Variants in PARN observed in about 807,000 individuals in gnomAD.
PARN encodes the protein poly(A)-specific ribonuclease PARN.
PARN carries 71 observed loss-of-function variants against 102.8 expected under a neutral mutation model. The observed-to-expected ratio is 0.69, with a 90% CI of 0.57 to 0.84. PARN has a LOEUF of 0.84. PARN is among the 40% of genes least tolerant of loss of function. The pLI, the probability that PARN is intolerant of heterozygous loss-of-function variation, is 0.00. For synonymous variants in PARN, 261 were observed against 252.9 expected, an observed-to-expected ratio of 1.03 and a Z score of -0.30; for missense variants, 782 against 760.9, an observed-to-expected ratio of 1.03 and a Z score of -0.33.
chr16:14,532,015 A>T (rs1966364007), intron 21 of PARN, among the ~76,000 whole-genome samples: 1 of 151,924 alleles, frequency 6.6e-6, no homozygotes, highest in Non-Finnish European at 1.5e-5. Flanking sequence ...GTGAGCTATG[A>T]TCGCACTGCT....
intron 22 of PARN, among the ~76,000 whole-genome samples, chr16:14,466,163 G>A (rs1331626246): frequency 6.6e-6 from 1 of 152,096 alleles, no homozygotes; most frequent in Non-Finnish European, 1.5e-5. Context: ...TAAAAAAAAT[G>A]AAGAAGTAGC....
rs565139061 is a variant in PARN at position 14,495,121 on chromosome 16, T to C, written c.1481-12294A>G. On this transcript the variant is annotated intron_variant, in intron 21 of 23. Transcript: ENST00000437198. ...CTCGTATGGATGGGGAGGGCAGTCA[T>C]GAAAGCCTGGGAAGCTGTGGCCTGA... 1.2e-4 allele frequency among the ~76,000 whole-genome samples: 18 copies of C among 152,046 alleles called. No homozygotes were observed. In the East Asian group the frequency reaches 2.9e-3, roughly 25 times the overall value.
intron 22 of PARN, among the ~76,000 whole-genome samples, chr16:14,477,157 A>G (rs1358183502): frequency 6.6e-6 from 1 of 152,166 alleles, no homozygotes; most frequent in Non-Finnish European, 1.5e-5. Context: ...ATAAGAAAAT[A>G]GGCAAGGTGT....
chr16:14,462,075 G>C (rs937315613), intron 22 of PARN, among the ~76,000 whole-genome samples: 1 of 152,152 alleles, frequency 6.6e-6, no homozygotes, highest in Admixed American at 6.5e-5. Flanking sequence ...TTGGGGGACT[G>C]GTGTTATTTA....
At chr16:14,518,605 T>C (rs1965582043) in intron 21 of PARN, among the ~76,000 whole-genome samples, 1 of 151,918 alleles carries the variant, frequency 6.6e-6, no homozygotes, top group African/African-American at 2.4e-5. Flanking sequence ...CAGAAGAATA[T>C]AAATATGTAT....
chr16:14,487,305 C>T (rs1466133014), intron 21 of PARN, among the ~76,000 whole-genome samples: 2 of 152,236 alleles, frequency 1.3e-5, no homozygotes, highest in African/African-American at 2.4e-5. Context: ...AATGTTAATA[C>T]TGCCACATGC....
intron 18 of PARN, among the ~76,000 whole-genome samples, chr16:14,575,171 G>T (rs1303619063): frequency 1.3e-5 from 2 of 152,218 alleles, no homozygotes; most frequent in Non-Finnish European, 2.9e-5. Flanking sequence ...GAAGGGAAAT[G>T]TGGGGTCAGA....
At chr16:14,581,327 C>T (rs138975696) in intron 17 of PARN, among the ~76,000 whole-genome samples, 1 of 152,112 alleles carries the variant, frequency 6.6e-6, no homozygotes. Context: ...GCTGGGATTA[C>T]AGGAGTAAGC....
At chr16:14,481,116 C>T (rs575558404) in intron 22 of PARN, among the ~76,000 whole-genome samples, 7 of 152,190 alleles carry the variant, frequency 4.6e-5, no homozygotes, top group Non-Finnish European at 7.4e-5. Context: ...AAGTTTAACA[C>T]AAACTTATCC....
chr16:14,532,296 T>C (rs1237643509), intron 21 of PARN, among the ~76,000 whole-genome samples: 1 of 151,462 alleles, frequency 6.6e-6, no homozygotes, highest in African/African-American at 2.4e-5. Flanking sequence ...CGAAGTTCTC[T>C]GGTTTTCCTA....
chr16:14,536,260 G>C (rs75064363), intron 21 of PARN, among the ~76,000 whole-genome samples: 6,440 of 152,210 alleles, frequency 0.042, 146 homozygotes, highest in African/African-American at 0.051. Flanking sequence ...TTAAAACTGT[G>C]AGGTTGTAGG....
At chr16:14,541,098 C>T (rs1966828010) in intron 21 of PARN, among the ~76,000 whole-genome samples, 1 of 151,262 alleles carries the variant, frequency 6.6e-6, no homozygotes, top group African/African-American at 2.4e-5. Context: ...TGAGACCAGC[C>T]TGGACATCAT....
rs202084970 is a variant in PARN, at chr16:14,599,966, T to C, written c.784-6A>G. ...ACAGCATCATTCAGCTCCTCCTAAT[T>C]AAAAAAATATATACATATGTATTAT... On this transcript the variant is annotated splice_polypyrimidine_tract_variant and splice_region_variant and intron_variant, in intron 11 of 23. Transcript: ENST00000437198. 2 of 1,507,848 alleles carry C rather than the reference T, an allele frequency of 1.3e-6. No homozygotes were observed. The highest frequency in any genetic ancestry group is 4.6e-5 in the East Asian group (2 of 43,946). The allele number at this position is 1,507,848 out of a possible 1,614,324, so 93.4% of individuals were successfully genotyped here.
At chr16:14,599,011 C>T (rs989546005) in intron 12 of PARN, among the ~76,000 whole-genome samples, 3 of 147,350 alleles carry the variant, frequency 2.0e-5, no homozygotes, top group Non-Finnish European at 3.0e-5. Context: ...ATGTAAAATG[C>T]GGATGCCTGT....
intron 22 of PARN, among the ~76,000 whole-genome samples, chr16:14,449,406 G>T (rs926311681): frequency 1.6e-4 from 25 of 152,130 alleles, no homozygotes; most frequent in Non-Finnish European, 2.5e-4. Context: ...AACTTTACAG[G>T]TACTAAAACA....
At chr16:14,458,346 T>G (rs2151569791) in intron 22 of PARN, among the ~76,000 whole-genome samples, 1 of 152,236 alleles carries the variant, frequency 6.6e-6, no homozygotes, top group Non-Finnish European at 1.5e-5. Flanking sequence ...AGTAACATAA[T>G]CAAGGCTATA....
intron 13 of PARN, among the ~76,000 whole-genome samples, chr16:14,586,606 AG>A (rs1969872567): frequency 6.6e-6 from 1 of 152,200 alleles, no homozygotes. Flanking sequence ...AACAAATTTA[AG>A]GATTTAATAG....
intron 22 of PARN, among the ~76,000 whole-genome samples, chr16:14,457,917 G>T (rs540586532): frequency 7.2e-4 from 100 of 138,310 alleles, no homozygotes; most frequent in Non-Finnish European, 1.1e-3. Flanking sequence ...TGTGTGTGTG[G>T]GGGTGTGTGT....
intron 16 of PARN, among the ~76,000 whole-genome samples, chr16:14,582,571 A>G (rs547151032): frequency 2.0e-5 from 3 of 152,034 alleles, no homozygotes; most frequent in East Asian, 3.9e-4. Flanking sequence ...ATTTATGATC[A>G]TCCATAACTC....
Sources: gnomAD v4.1 joint callset for allele counts (sites outside exome capture counted in the v4.1 genomes callset) on GRCh38, gnomAD v4.1.1 for gene constraint, MANE v1.5 for transcripts, NCBI Gene and HGNC (gene_info 2026-07-23, HGNC 2026-07-21) for gene names.